SLC22A23: variants seen among roughly 807,000 people sequenced by gnomAD.
SLC22A23 encodes ion transporter protein.
SLC22A23 carries 26 observed loss-of-function variants against 61.0 expected under a neutral mutation model. The ratio of observed to expected loss-of-function variants is 0.43; its 90% CI spans 0.31 to 0.59. The LOEUF is 0.59. Ranked by LOEUF, SLC22A23 falls within the 20% of genes least tolerant of loss-of-function variation. The pLI is 0.11. For synonymous variants in SLC22A23, 430 were observed against 413.9 expected, an observed-to-expected ratio of 1.04 and a Z score of -0.47; for missense variants, 796 against 934.7, an observed-to-expected ratio of 0.85 and a Z score of 1.94.
At chr6:3,389,870 T>C (rs1239903877) in intron 3 of SLC22A23, among the ~76,000 whole-genome samples, 3 of 152,256 alleles carry the variant, frequency 2.0e-5, no homozygotes, top group Admixed American at 2.0e-4. Context: ...CACCCGTTAG[T>C]GGAGAACGGC....
chr6:3,277,651 G>C (rs747543721), intron 9 of SLC22A23, among the ~76,000 whole-genome samples: 8 of 152,142 alleles, frequency 5.3e-5, no homozygotes, highest in Non-Finnish European at 7.3e-5. Flanking sequence ...TCCAGGGCAG[G>C]ACCAGGCTCC....
intron 1 of SLC22A23, among the ~76,000 whole-genome samples, chr6:3,442,893 T>C (rs1771687032): frequency 6.6e-6 from 1 of 151,976 alleles, no homozygotes; most frequent in Non-Finnish European, 1.5e-5. Context: ...TCTCTGTGAC[T>C]CAGCTCTTTG....
At chr6:3,275,211 G>T (rs569071302) in intron 9 of SLC22A23, among the ~76,000 whole-genome samples, 1 of 152,316 alleles carries the variant, frequency 6.6e-6, no homozygotes, top group East Asian at 1.9e-4. Flanking sequence ...AATCCAGTGA[G>T]GGGGAAGGGA....
chr6:3,425,573 C>T (rs1198067113), intron 1 of SLC22A23, among the ~76,000 whole-genome samples: 3 of 152,032 alleles, frequency 2.0e-5, no homozygotes, highest in Admixed American at 1.3e-4. Context: ...CATGAGTCAC[C>T]GCACCCGGCC....
intron 3 of SLC22A23, among the ~76,000 whole-genome samples, chr6:3,378,364 C>T (rs1014357883): frequency 2.6e-5 from 4 of 152,152 alleles, no homozygotes; most frequent in East Asian, 1.9e-4. Context: ...GACCTCGGCC[C>T]GTGATTCAGC....
At chr6:3,347,618 G>A (rs1018411810) in intron 3 of SLC22A23, among the ~76,000 whole-genome samples, 2 of 151,934 alleles carry the variant, frequency 1.3e-5, no homozygotes, top group Non-Finnish European at 2.9e-5. Flanking sequence ...TTCATCGCTC[G>A]TGTTGGCTAC....
At position 3,456,505 on chromosome 6, in the gene SLC22A23, C is replaced by A; in HGVS notation, c.55G>T (p.Ala19Ser). 2 of 1,035,778 alleles carry A rather than the reference C, an allele frequency of 1.9e-6. No individual in the cohort carries two copies. Among genetic ancestry groups the A allele is most frequent in the Non-Finnish European group, 2.3e-6 (2 of 864,834 alleles). The allele number at this position is 1,035,778 out of a possible 1,614,324, so 64.2% of individuals were successfully genotyped here. A position where few individuals can be genotyped will look rare whatever the true frequency, so the allele number is the denominator to read the frequency against. ...AGGGAGCCGTTCTCCTCGGCCGGGG[C>A]CGGCTGCCGCCCAGGCCCGCCGCCC... ...AAGGGPGRQPAPAEENGSLPP... is the reference protein window; with the variant it reads ...AAGGGPGRQPSPAEENGSLPP... Residue 19 changes from alanine to serine, a missense_variant, in exon 1 of 10, where the codon GCC becomes TCC. Physicochemically the swap from Ala to Ser is moderately conservative, Grantham distance 99. Transcript: ENST00000406686. This position sits in a 1 kb window ranked among gnomAD's most constrained non-coding sequence, Gnocchi z 7.1.
intron 6 of SLC22A23, 52 bp from the exon 7 acceptor site, chr6:3,287,143 T>C: frequency 1.9e-6 from 3 of 1,543,824 alleles, no homozygotes; most frequent in Non-Finnish European, 2.7e-6. Flanking sequence ...TGCCAGGGGC[T>C]GCGCTGCCTC....
chr6:3,319,023 C>T (rs143512212), intron 4 of SLC22A23, among the ~76,000 whole-genome samples: 150 of 152,356 alleles, frequency 9.8e-4, no homozygotes, highest in African/African-American at 3.2e-3. Flanking sequence ...CCAGTGTGTG[C>T]GCTGCCTCTG....
At chr6:3,306,505 A>T (rs7751890) in intron 4 of SLC22A23, among the ~76,000 whole-genome samples, 42,168 of 152,200 alleles carry the variant, frequency 0.28, 7,104 homozygotes, top group Non-Finnish European at 0.38. Context: ...AAACTCAGGC[A>T]AAGAACGTTC....
chr6:3,378,657 C>CTTTTTTTTTTTTT (rs574704294), intron 3 of SLC22A23, among the ~76,000 whole-genome samples: 43 of 119,076 alleles, frequency 3.6e-4, no homozygotes, highest in Non-Finnish European at 5.0e-4. Flanking sequence ...TTTCTTTTTT[C>CTTTTTTTTTTTTT]TTTTTTTTTT....
At chr6:3,323,697 AG>A in intron 4 of SLC22A23, 136 bp downstream of exon 4, 2 of 1,022,450 alleles carry the variant, frequency 2.0e-6, no homozygotes, top group Non-Finnish European at 2.8e-6. Flanking sequence ...TTTTAAAAAG[AG>A]AGGAAAACCT....
At chr6:3,433,334 G>C (rs573706810) in intron 1 of SLC22A23, among the ~76,000 whole-genome samples, 1 of 152,222 alleles carries the variant, frequency 6.6e-6, no homozygotes, top group Non-Finnish European at 1.5e-5. Context: ...ATCAGCCCTA[G>C]GGAGTGAGTC....
intron 3 of SLC22A23, among the ~76,000 whole-genome samples, chr6:3,371,650 G>A (rs917122899): frequency 7.9e-5 from 12 of 152,130 alleles, no homozygotes; most frequent in African/African-American, 2.9e-4. Flanking sequence ...TCTTTGTCTT[G>A]TGGGTTCTAA....
chr6:3,338,298 T>C (rs1273147595), intron 3 of SLC22A23, among the ~76,000 whole-genome samples: 6 of 152,268 alleles, frequency 3.9e-5, no homozygotes, highest in African/African-American at 1.4e-4. Context: ...TGACATCAAG[T>C]GCAAGTATGG....
intron 1 of SLC22A23, among the ~76,000 whole-genome samples, chr6:3,418,779 A>T (rs1202535273): frequency 3.3e-5 from 5 of 152,226 alleles, no homozygotes; most frequent in Non-Finnish European, 7.3e-5. Flanking sequence ...GTTTACCATG[A>T]TAAGGGTTAC....
intron 1 of SLC22A23, chr6:3,432,132 G>C (rs759973727): frequency 5.1e-5 from 45 of 880,656 alleles, no homozygotes; most frequent in Non-Finnish European, 6.1e-5. Flanking sequence ...TAATCCCCAA[G>C]GTTCCTCAGT....
At position 3,309,553 on chromosome 6, in the gene SLC22A23, CATA is replaced by C. The variant is rs1240400188; in HGVS notation, c.1083-11338_1083-11336del. ...GGCTGACAAGCAGGTGGCACCTGAC[CATA>C]ATAAGGACTGTGGGCTGACGAGCAG... On this transcript the variant is annotated intron_variant, in intron 4 of 9. Coordinates refer to ENST00000406686, the MANE Select transcript of SLC22A23 (RefSeq NM_015482.2). The surrounding 1 kb of genome is among the most constrained non-coding windows in gnomAD (Gnocchi z 4.7). Among the ~76,000 whole-genome samples, 1 of 151,698 alleles carries C rather than the reference CATA, an allele frequency of 6.6e-6. No individual in the cohort carries two copies. The highest frequency in any genetic ancestry group is 1.5e-5 in the Non-Finnish European group (1 of 67,922).
intron 3 of SLC22A23, among the ~76,000 whole-genome samples, chr6:3,355,798 C>A (rs1275924824): frequency 6.6e-6 from 1 of 151,434 alleles, no homozygotes; most frequent in African/African-American, 2.4e-5. Flanking sequence ...CCTGCACAAA[C>A]CCCAGCTCTC....
Sources: allele counts gnomAD v4.1 joint callset (sites outside exome capture counted in the v4.1 genomes callset), GRCh38; gene constraint gnomAD v4.1.1; non-coding constraint Gnocchi (gnomAD v3.1); transcripts MANE v1.5; gene names NCBI Gene and HGNC (gene_info 2026-07-23, HGNC 2026-07-21).